Variants in NDRG4 observed in about 807,000 individuals in gnomAD.
The protein encoded by NDRG4 is protein NDRG4.
NDRG4 carries 38 observed loss-of-function variants against 55.8 expected under a neutral mutation model. That is an observed-to-expected ratio of 0.68 (90% confidence interval 0.53 to 0.89). The LOEUF (loss-of-function observed/expected upper bound fraction) is 0.89. Among genes scored for constraint, NDRG4 ranks in the 40% least tolerant of loss-of-function variants. The pLI, the probability that NDRG4 is intolerant of heterozygous loss-of-function variation, is 0.00. For synonymous variants in NDRG4, 190 were observed against 182.7 expected, an observed-to-expected ratio of 1.04 and a Z score of -0.32; for missense variants, 455 against 468.6, an observed-to-expected ratio of 0.97 and a Z score of 0.27.
In NDRG4 at chr16:58,506,627, A is replaced by T. The variant is rs2271948; in HGVS notation, c.516+13A>T. On this transcript the variant is annotated intron_variant, in intron 7 of 14. Coordinates refer to ENST00000570248, the MANE Select transcript of NDRG4 (RefSeq NM_001242835.2). ...CCTCTTCAGCCAGGTAAGGGGGGGA[A>T]CTTCTGCAGATCTGGGGTGATCTGG... The T allele has an allele frequency of 6.7e-5, 104 of 1,546,764 alleles. No homozygotes were observed. In the African/African-American group the frequency reaches 6.7e-4, roughly 10 times the overall value.
chr16:58,496,587 C>A (rs2036436929), upstream of NDRG4, among the ~76,000 whole-genome samples: 1 of 152,002 alleles, frequency 6.6e-6, no homozygotes, highest in Non-Finnish European at 1.5e-5. Context: ...CTAACATGAG[C>A]CAGACAGACC....
chr16:58,496,021 T>G (rs916865711), upstream of NDRG4, among the ~76,000 whole-genome samples: 4 of 151,926 alleles, frequency 2.6e-5, no homozygotes, highest in African/African-American at 7.3e-5. Flanking sequence ...ATGCTGCAAA[T>G]GAGGATGAGC....
chr16:58,511,519 C>T lies in NDRG4; in HGVS notation c.1002C>T (p.His334=), dbSNP rs1567361753. 6.2e-7 allele frequency: 1 copy of T among 1,612,930 alleles called. No individual in the cohort carries two copies. The highest frequency in any genetic ancestry group is 1.3e-5 in the African/African-American group (1 of 74,920). The change falls in exon 15 of 15, where the codon CAC becomes CAT. Residue 334 remains histidine (H), a synonymous_variant. Transcript: ENST00000570248. ...GCAGCCGCCCACAGGCCTGCACCCACTCAGAGAGCAGCGAGGGGCTGGGCC... is the reference window on the plus strand; with the variant it reads ...GCAGCCGCCCACAGGCCTGCACCCATTCAGAGAGCAGCGAGGGGCTGGGCC... ...VDGSRPQACT[H]SESSEGLGQV... is the part of the protein sequence containing the mutation.
chr16:58,511,650 GTTTA>G lies in NDRG4; in HGVS notation c.*78_*81del. ...CTTGCGCCGGCTCATGTTCCCTTTA[GTTTA>G]TTTTTGTGAGGGCAAAGGGGAGGAA... On this transcript the variant is annotated 3_prime_UTR_variant, in exon 15 of 15. Transcript: ENST00000570248. 2 of 1,586,856 alleles carry G rather than the reference GTTTA, an allele frequency of 1.3e-6. No homozygotes were observed. Among genetic ancestry groups the G allele is most frequent in the African/African-American group, 1.3e-5 (1 of 74,358 alleles).
Position 58,511,424 on chromosome 16 carries a change from C to A in NDRG4, c.907C>A (p.Pro303Thr). Residue 303 changes from proline to threonine, a missense_variant and splice_region_variant, in exon 15 of 15, where the codon CCC becomes ACC. Transcript: ENST00000570248. Reference sequence around the variant, plus strand: ...GCCCATCCTGTCTCTGTCCACAGTGCCCTCAGCCAGCATGACCCGCCTGGC... The same window carrying A: ...GCCCATCCTGTCTCTGTCCACAGTGACCTCAGCCAGCATGACCCGCCTGGC... ...KDRRLSGGAV[P>T]SASMTRLARS... 6.2e-7 allele frequency: 1 copy of A among 1,603,920 alleles called. No individual in the cohort carries two copies.
intron 1 of NDRG4, among the ~76,000 whole-genome samples, chr16:58,482,593 G>A (rs962381017): frequency 5.9e-5 from 9 of 151,936 alleles, no homozygotes; most frequent in African/African-American, 2.2e-4. Flanking sequence ...CAAATTCTCC[G>A]ATGTATTTTC....
chr16:58,487,806 C>G lies in NDRG4; in HGVS notation c.28C>G (p.Pro10Ala), dbSNP rs927462072. The G allele has an allele frequency of 5.8e-6, 9 of 1,544,074 alleles. No individual in the cohort carries two copies. The Admixed American group carries it at 7.9e-5, about 14-fold the overall frequency. Residue 10 changes from proline (P) to alanine (A), a missense_variant, in exon 2 of 16, where the codon CCT becomes GCT. Transcript: ENST00000258187. ...GGCCGGGCTGCAGGAGCTGCGATTC[C>G]CTGAGGAGAAGCCGCTGCTCCGGGG...
downstream of NDRG4, among the ~76,000 whole-genome samples, chr16:58,514,931 T>C (rs1597372531): frequency 6.6e-6 from 1 of 152,164 alleles, no homozygotes; most frequent in East Asian, 1.9e-4. Context: ...AATAGGTAGA[T>C]ATTGAGTCCC....
downstream of NDRG4, among the ~76,000 whole-genome samples, chr16:58,514,778 A>C (rs1375382939): frequency 3.3e-5 from 5 of 151,314 alleles, no homozygotes; most frequent in East Asian, 7.8e-4. Context: ...AAAAAAAAAA[A>C]AAACTGAGTG....
chr16:58,510,595 TTG>T (rs1340041783), intron 13 of NDRG4, 48 bp from the exon 14 acceptor site: 7 of 1,476,744 alleles, frequency 4.7e-6, no homozygotes, highest in African/African-American at 2.8e-5. Context: ...CTTCACTGTG[TTG>T]TGTCTCCCCC....
chr16:58,465,096 G>C, intron 1 of NDRG4: 1 of 1,286,724 alleles, frequency 7.8e-7, no homozygotes, highest in Non-Finnish European at 1.0e-6. Context: ...AGGGACGGGG[G>C]GGAGGATTCG....
intron 14 of NDRG4, chr16:58,510,946 C>T (rs897151354): frequency 1.8e-5 from 10 of 570,600 alleles, no homozygotes; most frequent in Non-Finnish European, 1.9e-5. Context: ...ACAGACCCTC[C>T]TTAGAGGTAG....
Position 58,505,083 on chromosome 16 carries a change from C to T in NDRG4, c.372+434C>T, listed in dbSNP as rs956618556. 7.2e-5 allele frequency among the ~76,000 whole-genome samples: 11 copies of T among 152,290 alleles called. No homozygotes were observed. In the South Asian group the frequency reaches 2.1e-3, roughly 29 times the overall value. ...ATTTCAAAAACATCATTGTCGGTGG[C>T]TCACACCTGTAATCCCAGCACTTTG... On this transcript the variant is annotated intron_variant, in intron 5 of 14. Coordinates refer to ENST00000570248, the MANE Select transcript of NDRG4 (RefSeq NM_001242835.2).
intron 1 of NDRG4, among the ~76,000 whole-genome samples, chr16:58,487,293 G>C (rs893445834): frequency 6.6e-6 from 1 of 152,204 alleles, no homozygotes; most frequent in African/African-American, 2.4e-5. Context: ...GACCAAGACG[G>C]GTGGATCACT....
downstream of NDRG4, among the ~76,000 whole-genome samples, chr16:58,513,984 G>C (rs948145456): frequency 2.0e-5 from 3 of 151,952 alleles, no homozygotes; most frequent in African/African-American, 7.3e-5. Context: ...ACAAAATACA[G>C]CTCTCCAGAA....
At chr16:58,484,902 T>G (rs905207845) in intron 1 of NDRG4, among the ~76,000 whole-genome samples, 10 of 149,170 alleles carry the variant, frequency 6.7e-5, no homozygotes, top group African/African-American at 2.0e-4. Flanking sequence ...TTTTTTTTTT[T>G]GATGGAGTCT....
At chr16:58,475,659 T>C in intron 1 of NDRG4, 1 of 456,060 alleles carries the variant, frequency 2.2e-6, no homozygotes, top group Non-Finnish European at 4.4e-6. Context: ...GATTCTCAGG[T>C]ACCTTGACTC....
chr16:58,513,818 C>T (rs2039029655), downstream of NDRG4, among the ~76,000 whole-genome samples: 2 of 152,118 alleles, frequency 1.3e-5, no homozygotes, highest in African/African-American at 4.8e-5. Context: ...ATTAGCTGAG[C>T]ATGGTGGCGC....
intron 2 of NDRG4, 50 bp from the exon 3 acceptor site, chr16:58,504,104 C>G: frequency 1.2e-6 from 2 of 1,608,922 alleles, no homozygotes; most frequent in Non-Finnish European, 1.7e-6. Flanking sequence ...GGCCTTCCTT[C>G]CAGTCCCCCG....
Sources: allele counts gnomAD v4.1 joint callset (sites outside exome capture counted in the v4.1 genomes callset), GRCh38; gene constraint gnomAD v4.1.1; transcripts MANE v1.5; gene names NCBI Gene and HGNC (gene_info 2026-07-23, HGNC 2026-07-21).